Variants in EYS observed in about 807,000 individuals in gnomAD.
The protein encoded by EYS is EGF-like photoreceptor maintenance factor.
Under a neutral mutation model 282.1 loss-of-function variants are expected in EYS, and 250 were observed. That is an observed-to-expected ratio of 0.89 (90% CI 0.80 to 0.98). EYS has a LOEUF of 0.98. Ranked by LOEUF, EYS falls within the 50% of genes least tolerant of loss-of-function variation. EYS has a pLI of 0.00. For synonymous variants in EYS, 1,355 were observed against 1,282.9 expected (o/e 1.06, Z -1.20); for missense variants, 4,016 against 3,709.0 (o/e 1.08, Z -2.15).
At chr6:64,532,327 C>T (rs1764372094) in intron 26 of EYS, among the ~76,000 whole-genome samples, 4 of 152,140 alleles carry the variant, frequency 2.6e-5, no homozygotes, top group Admixed American at 1.3e-4. Context: ...TCAATTAACT[C>T]GAAACCAAAC....
intron 8 of EYS, among the ~76,000 whole-genome samples, chr6:65,381,720 T>C (rs1765617112): frequency 6.6e-6 from 1 of 152,078 alleles, no homozygotes; most frequent in South Asian, 2.1e-4. Flanking sequence ...AGATTATCTA[T>C]ACAATATATT....
intron 33 of EYS, among the ~76,000 whole-genome samples, chr6:64,031,768 G>A (rs1381437196): frequency 6.6e-6 from 1 of 152,140 alleles, no homozygotes; most frequent in East Asian, 1.9e-4. Flanking sequence ...CTAATCTGGT[G>A]GGGACGTGGA....
chr6:64,850,627 A>G (rs1765853848), intron 19 of EYS, among the ~76,000 whole-genome samples: 1 of 151,916 alleles, frequency 6.6e-6, no homozygotes, highest in South Asian at 2.1e-4. Context: ...AAAGGTAGGC[A>G]GAACTTGTTA....
intron 37 of EYS, among the ~76,000 whole-genome samples, chr6:63,798,269 G>A (rs906225621): frequency 7.9e-5 from 12 of 152,154 alleles, no homozygotes; most frequent in African/African-American, 2.9e-4. Context: ...TCAGTCAGTC[G>A]GGAAAGTGAA....
At chr6:64,117,800 G>A (rs11965433) in intron 31 of EYS, among the ~76,000 whole-genome samples, 10,407 of 151,910 alleles carry the variant, frequency 0.069, 1,077 homozygotes, top group African/African-American at 0.23. Flanking sequence ...TATATTTAAA[G>A]AAATCTAAAA....
At chr6:64,969,453 G>T (rs1770214330) in intron 14 of EYS, among the ~76,000 whole-genome samples, 2 of 152,102 alleles carry the variant, frequency 1.3e-5, no homozygotes, top group Admixed American at 1.3e-4. Context: ...AAGATTAAGG[G>T]TGAATAATCA....
chr6:65,033,641 A>T (rs1470358846), intron 13 of EYS, among the ~76,000 whole-genome samples: 3 of 152,202 alleles, frequency 2.0e-5, no homozygotes, highest in Non-Finnish European at 4.4e-5. Context: ...ACAAGAGTGA[A>T]GAATGCTTGG....
intron 1 of EYS, among the ~76,000 whole-genome samples, chr6:65,655,864 A>G (rs1767803929): frequency 6.6e-6 from 1 of 151,860 alleles, no homozygotes; most frequent in Non-Finnish European, 1.5e-5. Context: ...TTAGCATATT[A>G]CATAAAGTTA....
At chr6:63,901,259 G>A (rs1420642518) in intron 35 of EYS, among the ~76,000 whole-genome samples, 2 of 152,186 alleles carry the variant, frequency 1.3e-5, no homozygotes, top group South Asian at 4.1e-4. Flanking sequence ...GCACCAGAGG[G>A]CTTCAACAGA....
chr6:64,324,495 C>T (rs1168386886), intron 29 of EYS, among the ~76,000 whole-genome samples: 2 of 152,084 alleles, frequency 1.3e-5, no homozygotes, highest in Non-Finnish European at 2.9e-5. Context: ...AGAATATGAG[C>T]CATTTATGAC....
chr6:65,356,447 G>A (rs1275796083), intron 8 of EYS, among the ~76,000 whole-genome samples: 1 of 151,996 alleles, frequency 6.6e-6, no homozygotes, highest in Non-Finnish European at 1.5e-5. Context: ...AGCAATGAGA[G>A]ATGCCAGGAA....
intron 22 of EYS, among the ~76,000 whole-genome samples, chr6:64,796,505 G>C (rs1263066286): frequency 6.6e-6 from 1 of 152,080 alleles, no homozygotes; most frequent in Non-Finnish European, 1.5e-5. Context: ...AAAATTTTTA[G>C]CGTGAATCCC....
chr6:64,806,681 A>G (rs1312273673), intron 22 of EYS, among the ~76,000 whole-genome samples: 1 of 152,034 alleles, frequency 6.6e-6, no homozygotes, highest in Admixed American at 6.6e-5. Context: ...CTTCAAAAAT[A>G]TGGAGATAAC....
intron 21 of EYS, among the ~76,000 whole-genome samples, chr6:64,817,756 A>G (rs1352861587): frequency 6.6e-6 from 1 of 152,110 alleles, no homozygotes; most frequent in East Asian, 1.9e-4. Context: ...CTCCAGCTGC[A>G]TCCATGTTGC....
chr6:65,229,956 G>A (rs1165992977), intron 12 of EYS, among the ~76,000 whole-genome samples: 1 of 151,872 alleles, frequency 6.6e-6, no homozygotes, highest in Non-Finnish European at 1.5e-5. Flanking sequence ...AATAATCCAC[G>A]GGTCTTAGGG....
chr6:65,199,885 G>A (rs146532506), intron 12 of EYS, among the ~76,000 whole-genome samples: 36 of 152,152 alleles, frequency 2.4e-4, no homozygotes, highest in African/African-American at 7.2e-4. Flanking sequence ...AACAGGAAAC[G>A]TCCTAGATTG....
chr6:64,849,979 C>G (rs1249599559), intron 19 of EYS, among the ~76,000 whole-genome samples: 1 of 151,926 alleles, frequency 6.6e-6, no homozygotes, highest in Non-Finnish European at 1.5e-5. Flanking sequence ...GTTTCACTCA[C>G]ACTCACAGGG....
chr6:64,077,533 C>T (rs750711421), intron 32 of EYS, among the ~76,000 whole-genome samples: 3 of 151,974 alleles, frequency 2.0e-5, no homozygotes, highest in East Asian at 1.9e-4. Flanking sequence ...CCTTCTTTTG[C>T]TTCCTATTTT....
chr6:65,500,290 G>A (rs571585279), intron 2 of EYS, among the ~76,000 whole-genome samples: 1 of 152,050 alleles, frequency 6.6e-6, no homozygotes, highest in South Asian at 2.1e-4. Flanking sequence ...AAACAATCCT[G>A]GAGAACAATA....
Sources: gnomAD v4.1 joint callset for allele counts (sites outside exome capture counted in the v4.1 genomes callset) on GRCh38, gnomAD v4.1.1 for gene constraint, MANE v1.5 for transcripts, NCBI Gene and HGNC (gene_info 2026-07-23, HGNC 2026-07-21) for gene names.